CTNND2: variants seen among roughly 807,000 people sequenced by gnomAD.
The protein encoded by CTNND2 is catenin delta-2.
In CTNND2, 22 loss-of-function variants were observed where a neutral mutation model predicts 144.4. The ratio of observed to expected loss-of-function variants is 0.15; its 90% CI spans 0.11 to 0.22. CTNND2 has a LOEUF of 0.22. CTNND2 is among the 10% of genes least tolerant of loss of function. The pLI, the probability that CTNND2 is intolerant of heterozygous loss-of-function variation, is 1.00. For missense variants in CTNND2, 1,353 were observed against 1,618.8 expected (o/e 0.84, Z 2.82); for synonymous variants, 751 against 695.6 (o/e 1.08, Z -1.25).
chr5:11,012,517 C>T (rs1207362745), intron 18 of CTNND2, among the ~76,000 whole-genome samples: 4 of 152,148 alleles, frequency 2.6e-5, no homozygotes, highest in South Asian at 2.1e-4. Flanking sequence ...TACAGATAAC[C>T]GGCTGCCAAG....
intron 2 of CTNND2, among the ~76,000 whole-genome samples, chr5:11,630,107 T>C (rs934803103): frequency 1.2e-4 from 19 of 152,156 alleles, no homozygotes; most frequent in Admixed American, 4.6e-4. Flanking sequence ...TATTTCCTAT[T>C]TTTCTCACTC....
chr5:11,450,787 A>G (rs1488531076), intron 3 of CTNND2, among the ~76,000 whole-genome samples: 1 of 151,068 alleles, frequency 6.6e-6, no homozygotes, highest in African/African-American at 2.4e-5. Flanking sequence ...AATCTCAGCT[A>G]CTCAGGAGGC....
intron 1 of CTNND2, among the ~76,000 whole-genome samples, chr5:11,742,494 T>C (rs573591467): frequency 6.6e-6 from 1 of 152,160 alleles, no homozygotes; most frequent in African/African-American, 2.4e-5. Context: ...TGTCTTCCAT[T>C]TCTTTCAGAG....
intron 1 of CTNND2, among the ~76,000 whole-genome samples, chr5:11,762,188 C>T (rs1383706768): frequency 6.6e-6 from 1 of 152,118 alleles, no homozygotes; most frequent in Non-Finnish European, 1.5e-5. Context: ...CCTCTTTGCA[C>T]ACAGCAAAAA....
chr5:11,504,564 G>A (rs1770834388), intron 3 of CTNND2, among the ~76,000 whole-genome samples: 1 of 152,098 alleles, frequency 6.6e-6, no homozygotes, highest in African/African-American at 2.4e-5. Context: ...ATCCACGAGG[G>A]CTTCCCACTC....
At chr5:11,809,144 T>C (rs1187721517) in intron 1 of CTNND2, among the ~76,000 whole-genome samples, 1 of 152,220 alleles carries the variant, frequency 6.6e-6, no homozygotes, top group Non-Finnish European at 1.5e-5. Flanking sequence ...TGTGGATGTT[T>C]TCATAATCAG....
chr5:11,435,123 T>TTATG (rs1763647983), intron 3 of CTNND2, among the ~76,000 whole-genome samples: 1 of 143,428 alleles, frequency 7.0e-6, no homozygotes, highest in Admixed American at 6.7e-5. Flanking sequence ...TACTATTTAT[T>TTATG]TATTTATTTA....
rs1280686388 is a variant in CTNND2, at chr5:11,038,227, T to C, written c.2789-15248A>G. 3.3e-5 allele frequency among the ~76,000 whole-genome samples: 5 copies of C among 152,148 alleles called. No homozygotes were observed. In the East Asian group the frequency reaches 9.6e-4, roughly 29 times the overall value. On this transcript the variant is annotated intron_variant, in intron 16 of 21. Coordinates refer to ENST00000304623, the MANE Select transcript of CTNND2 (RefSeq NM_001332.4). Reference sequence around the variant, plus strand: ...CAAGCCCTGGGCCATGGAACAATACTGGTCCATGGCCTGTTAGGAACCAGG... The same window carrying C: ...CAAGCCCTGGGCCATGGAACAATACCGGTCCATGGCCTGTTAGGAACCAGG...
intron 1 of CTNND2, among the ~76,000 whole-genome samples, chr5:11,756,373 C>A (rs1788937642): frequency 6.6e-6 from 1 of 151,580 alleles, no homozygotes; most frequent in Non-Finnish European, 1.5e-5. Context: ...TTTAAAAATA[C>A]ATTTAAACTG....
At chr5:11,199,056 G>A (rs1296383664) in intron 11 of CTNND2, among the ~76,000 whole-genome samples, 8 of 152,136 alleles carry the variant, frequency 5.3e-5, no homozygotes, top group African/African-American at 7.2e-5. Flanking sequence ...AGGATAAGCC[G>A]TCTGTTGTTA....
At chr5:11,453,249 C>A (rs1316587302) in intron 3 of CTNND2, among the ~76,000 whole-genome samples, 1 of 152,178 alleles carries the variant, frequency 6.6e-6, no homozygotes, top group Non-Finnish European at 1.5e-5. Context: ...TTAGCACCAT[C>A]CCATCAAATG....
intron 3 of CTNND2, among the ~76,000 whole-genome samples, chr5:11,557,398 C>T (rs1334139982): frequency 1.3e-5 from 2 of 152,082 alleles, no homozygotes; most frequent in African/African-American, 4.8e-5. Flanking sequence ...AAGTTATTAC[C>T]TGAATTCAAT....
chr5:11,614,989 A>AAAC (rs1780514648), intron 2 of CTNND2, among the ~76,000 whole-genome samples: 1 of 152,236 alleles, frequency 6.6e-6, no homozygotes, highest in African/African-American at 2.4e-5. Flanking sequence ...CTCACCATTT[A>AAAC]AACATCATTT....
intron 1 of CTNND2, among the ~76,000 whole-genome samples, chr5:11,830,453 A>C (rs76067382): frequency 0.034 from 5,189 of 152,084 alleles, 196 homozygotes; most frequent in African/African-American, 0.083. Flanking sequence ...GTCTCATGAG[A>C]TCTGATGGTT....
intron 16 of CTNND2, among the ~76,000 whole-genome samples, chr5:11,081,484 G>C (rs1394347819): frequency 6.6e-6 from 1 of 152,142 alleles, no homozygotes; most frequent in Non-Finnish European, 1.5e-5. Flanking sequence ...GGGAATATTG[G>C]CAGAATACAT....
At chr5:11,329,555 G>T (rs1474262211) in intron 9 of CTNND2, among the ~76,000 whole-genome samples, 1 of 152,190 alleles carries the variant, frequency 6.6e-6, no homozygotes, top group Non-Finnish European at 1.5e-5. Flanking sequence ...ACAGAATTCA[G>T]CCCATAACAC....
chr5:11,509,962 C>T (rs1207510094), intron 3 of CTNND2, among the ~76,000 whole-genome samples: 4 of 152,108 alleles, frequency 2.6e-5, no homozygotes, highest in Admixed American at 6.6e-5. Flanking sequence ...GACAGGGTCT[C>T]GCTCTGTTGC....
At chr5:11,855,005 T>C (rs1277509028) in intron 1 of CTNND2, among the ~76,000 whole-genome samples, 2 of 152,220 alleles carry the variant, frequency 1.3e-5, no homozygotes, top group Non-Finnish European at 2.9e-5. Context: ...GATAAAAATA[T>C]TCTGTAACTA....
Position 11,467,461 on chromosome 5 carries a change from T to A in CTNND2, c.288-55392A>T, listed in dbSNP as rs1766789340. On this transcript the variant is annotated intron_variant, in intron 3 of 21. Coordinates refer to ENST00000304623, the MANE Select transcript of CTNND2 (RefSeq NM_001332.4). ...GGGTCCTGGAGATGAACGGTTATAC[T>A]CCAAGTGCCTGTTGTTTACATCGGG... is the stretch of plus-strand genomic sequence containing the variant. 1.3e-5 allele frequency among the ~76,000 whole-genome samples: 2 copies of A among 152,206 alleles called. 1 individual carries two copies. The highest frequency in any genetic ancestry group is 4.1e-4 in the South Asian group (2 of 4,832).
Sources: gnomAD v4.1 joint callset for allele counts (sites outside exome capture counted in the v4.1 genomes callset) on GRCh38, gnomAD v4.1.1 for gene constraint, MANE v1.5 for transcripts, NCBI Gene and HGNC (gene_info 2026-07-23, HGNC 2026-07-21) for gene names.